The following SEMA3C variants were observed in gnomAD, a reference collection of about 807,000 sequenced individuals.
The protein encoded by SEMA3C is semaphorin 3C.
SEMA3C carries 47 observed loss-of-function variants against 89.4 expected under a neutral mutation model. That is an observed-to-expected ratio of 0.53 (90% confidence interval 0.42 to 0.67). The LOEUF is 0.67. Among genes scored for constraint, SEMA3C ranks in the 30% least tolerant of loss-of-function variants. SEMA3C has a pLI of 0.00. For synonymous variants in SEMA3C, 310 were observed against 320.2 expected (o/e 0.97, Z 0.34); for missense variants, 839 against 929.1 (o/e 0.90, Z 1.26).
At chr7:80,894,579 G>A (rs2116165294) in intron 2 of SEMA3C, among the ~76,000 whole-genome samples, 1 of 152,242 alleles carries the variant, frequency 6.6e-6, no homozygotes, top group African/African-American at 2.4e-5. Context: ...GGGGTTTGAA[G>A]GCAGACGACT....
intron 4 of SEMA3C, among the ~76,000 whole-genome samples, chr7:80,820,274 A>G (rs1441237845): frequency 6.6e-6 from 1 of 151,612 alleles, no homozygotes; most frequent in Non-Finnish European, 1.5e-5. Flanking sequence ...GTTAGCCAGG[A>G]TGGTCTCGAT....
rs550780794 is a variant in SEMA3C, at chr7:80,813,501, A to G, written c.448-2800T>C. 5.9e-5 allele frequency among the ~76,000 whole-genome samples: 9 copies of G among 152,352 alleles called. No individual in the cohort carries two copies. In the East Asian group the frequency reaches 1.7e-3, roughly 29 times the overall value. On this transcript the variant is annotated intron_variant, in intron 5 of 17. Coordinates refer to ENST00000265361, the MANE Select transcript of SEMA3C (RefSeq NM_006379.5). ...AGAGAAAGCAAAGCCCTTAAATGAT[A>G]TATCTTCAACTCCTCACTACTAAAC...
At chr7:80,855,071 A>G (rs1245631619) in intron 2 of SEMA3C, among the ~76,000 whole-genome samples, 4 of 152,190 alleles carry the variant, frequency 2.6e-5, no homozygotes, top group East Asian at 1.9e-4. Context: ...TTCATAAGCA[A>G]TATTTCTCTA....
chr7:80,800,863 T>C (rs958689783), intron 9 of SEMA3C, 37 bp from the exon 10 acceptor site: 1 of 1,362,256 alleles, frequency 7.3e-7, no homozygotes, highest in African/African-American at 1.5e-5. Context: ...AGTTTCTAAA[T>C]ATTAACTTCT....
In SEMA3C at chr7:80,833,771, A is replaced by AT. The variant is rs373854045; in HGVS notation, c.104-5027dup. Among the ~76,000 whole-genome samples, 154 of 146,840 alleles carry AT rather than the reference A, an allele frequency of 1.0e-3. No homozygotes were observed. The South Asian group carries it at 0.014, about 13-fold the overall frequency. On this transcript the variant is annotated intron_variant, in intron 2 of 17. Coordinates refer to ENST00000265361, the MANE Select transcript of SEMA3C (RefSeq NM_006379.5). ...ATACGACTTGGGGAGAGAAACGACC[A>AT]TTTTTTTTTTTTAGAACATAGAGAT...
chr7:80,829,139 C>A (rs1288648726), intron 2 of SEMA3C, among the ~76,000 whole-genome samples: 1 of 151,940 alleles, frequency 6.6e-6, no homozygotes, highest in East Asian at 1.9e-4. Context: ...TGCACGCCAG[C>A]TCTGGCAACA....
chr7:80,754,257 A>G (rs999346206), intron 15 of SEMA3C, among the ~76,000 whole-genome samples: 1 of 152,096 alleles, frequency 6.6e-6, no homozygotes, highest in Non-Finnish European at 1.5e-5. Context: ...AGTTTTTTTT[A>G]AAAACGGAGA....
chr7:80,916,424 G>C (rs1379896432), intron 2 of SEMA3C, among the ~76,000 whole-genome samples: 1 of 152,164 alleles, frequency 6.6e-6, no homozygotes, highest in Non-Finnish European at 1.5e-5. Flanking sequence ...TGAGTACACA[G>C]GCAAGCACAG....
At chr7:80,892,594 G>A (rs961531453) in intron 2 of SEMA3C, among the ~76,000 whole-genome samples, 1 of 152,012 alleles carries the variant, frequency 6.6e-6, no homozygotes, top group Admixed American at 6.6e-5. Context: ...ATACCTAACA[G>A]ACACTATAGA....
rs567093483 is a variant in SEMA3C at position 80,751,184 on chromosome 7, T to C, written c.1711+85A>G. On this transcript the variant is annotated intron_variant, in intron 16 of 17. Transcript: ENST00000265361. ...TATTTTTGAAAGTGAAACGCCTGAA[T>C]CTATGACAATGTTTCCCCTTACTGA... 4.9e-4 allele frequency: 547 copies of C among 1,107,890 alleles called. 1 individual carries two copies. Among genetic ancestry groups the C allele is most frequent in the Admixed American group, 1.6e-3 (91 of 55,560 alleles). 68.6% of individuals were successfully genotyped at this position (1,107,890 alleles called of 1,614,324 possible). A position where few individuals can be genotyped will look rare whatever the true frequency, so the allele number is the denominator to read the frequency against.
At chr7:80,900,158 G>A (rs1791842359) in intron 2 of SEMA3C, among the ~76,000 whole-genome samples, 1 of 151,554 alleles carries the variant, frequency 6.6e-6, no homozygotes, top group Non-Finnish European at 1.5e-5. Context: ...CTGTTGCCCA[G>A]GCTGGAGTGC....
intron 2 of SEMA3C, among the ~76,000 whole-genome samples, chr7:80,860,297 TCTC>T (rs898506831): frequency 4.1e-4 from 62 of 152,126 alleles, no homozygotes; most frequent in Admixed American, 1.5e-3. Flanking sequence ...TTATAAACCT[TCTC>T]CTAATGGCCA....
rs1028713195 is a variant in SEMA3C at position 80,916,699 on chromosome 7, C to T, written c.83G>A (p.Arg28Lys). 6.2e-7 allele frequency: 1 copy of T among 1,611,084 alleles called. No individual in the cohort carries two copies. Among genetic ancestry groups the T allele is most frequent in the African/African-American group, 1.3e-5 (1 of 74,802 alleles). The change falls in exon 2 of 18, where the codon AGA becomes AAA. Residue 28 changes from arginine to lysine, a missense_variant. Coordinates refer to ENST00000265361, the MANE Select transcript of SEMA3C (RefSeq NM_006379.5). ...CTTACCATCAAATGTTAAATAAACT[C>T]TTGCTTGGGGCTGGGAAGATCCTTT... ...CVKGSSQPQA[R>K]VYLTFDELRE...
intron 2 of SEMA3C, among the ~76,000 whole-genome samples, chr7:80,835,822 T>G (rs1790112601): frequency 6.6e-6 from 1 of 152,202 alleles, no homozygotes; most frequent in African/African-American, 2.4e-5. Flanking sequence ...CATTCGGTTC[T>G]AATATTACTC....
intron 2 of SEMA3C, among the ~76,000 whole-genome samples, chr7:80,841,042 A>C (rs1342245259): frequency 6.6e-5 from 10 of 152,116 alleles, no homozygotes; most frequent in Non-Finnish European, 1.2e-4. Context: ...AGCGGAATGG[A>C]GTGGGGTTTT....
chr7:80,869,996 C>A (rs1791017739), intron 2 of SEMA3C, among the ~76,000 whole-genome samples: 1 of 152,176 alleles, frequency 6.6e-6, no homozygotes, highest in Non-Finnish European at 1.5e-5. Context: ...TCAAAAACTT[C>A]ATGCTCAAAA....
intron 2 of SEMA3C, among the ~76,000 whole-genome samples, chr7:80,852,912 T>TCGTGATCCGCCCGCCTCG (rs1790550080): frequency 6.6e-6 from 1 of 151,988 alleles, no homozygotes; most frequent in Non-Finnish European, 1.5e-5. Context: ...TCTCCTGACC[T>TCGTGATCCGCCCGCCTCG]CGTGATCCGC....
chr7:80,775,977 T>A lies in SEMA3C; in HGVS notation c.1355-10734A>T, dbSNP rs541525683. On this transcript the variant is annotated intron_variant, in intron 12 of 17. Coordinates refer to ENST00000265361, the MANE Select transcript of SEMA3C (RefSeq NM_006379.5). The stretch of plus-strand genomic sequence containing the variant: ...GACATAGTTAAGTGAAGCTATAGAC[T>A]GAAATATATGTTCCTGTTTTTACTA... 3.9e-5 allele frequency among the ~76,000 whole-genome samples: 6 copies of A among 152,210 alleles called. No individual in the cohort carries two copies. The South Asian group carries it at 1.2e-3, about 32-fold the overall frequency.
At chr7:80,809,907 T>A (rs1048202912) in intron 6 of SEMA3C, among the ~76,000 whole-genome samples, 1 of 151,898 alleles carries the variant, frequency 6.6e-6, no homozygotes, top group Admixed American at 6.6e-5. Context: ...CTAAAAAAGT[T>A]GATCTCATAG....
Sources: gnomAD v4.1 joint callset for allele counts (sites outside exome capture counted in the v4.1 genomes callset) on GRCh38, gnomAD v4.1.1 for gene constraint, MANE v1.5 for transcripts, NCBI Gene and HGNC (gene_info 2026-07-23, HGNC 2026-07-21) for gene names.